The following DEPDC4 variants were observed in gnomAD, a reference collection of about 807,000 sequenced individuals.
DEPDC4 encodes the protein DEP domain-containing protein 4.
Under a neutral mutation model 52.0 loss-of-function variants are expected in DEPDC4, and 52 were observed. That is an observed-to-expected ratio of 1.00 (90% CI 0.80 to 1.26). DEPDC4 has a LOEUF of 1.26. DEPDC4 is among the 50% of genes most tolerant of loss of function. The pLI is 0.00. For missense variants in DEPDC4, 530 were observed against 546.9 expected (o/e 0.97, Z 0.31); for synonymous variants, 201 against 196.8 (o/e 1.02, Z -0.18).
chr12:100,266,709 T>C (rs2153927157), intron 1 of DEPDC4, among the ~76,000 whole-genome samples: 1 of 152,310 alleles, frequency 6.6e-6, no homozygotes, highest in African/African-American at 2.4e-5. Context: ...AAAAACGCTT[T>C]CCTGCACGCT....
intron 3 of DEPDC4, among the ~76,000 whole-genome samples, chr12:100,257,152 C>A (rs531582018): frequency 6.6e-6 from 1 of 151,908 alleles, no homozygotes; most frequent in East Asian, 2.0e-4. Flanking sequence ...AATCTCGGCT[C>A]ACTGCAACTT....
chr12:100,266,761 C>T (rs1037884767), intron 1 of DEPDC4, among the ~76,000 whole-genome samples, 159 bp downstream of exon 1: 1 of 152,240 alleles, frequency 6.6e-6, no homozygotes, highest in South Asian at 2.1e-4. Flanking sequence ...AAGCCTCAGT[C>T]CTGGGTCCCC....
chr12:100,248,389 G>T (rs1748810188), intron 8 of DEPDC4, among the ~76,000 whole-genome samples: 1 of 152,034 alleles, frequency 6.6e-6, no homozygotes, highest in Admixed American at 6.6e-5. Context: ...AGTAAACTTG[G>T]ATTAAAAATA....
At chr12:100,262,452 C>A in intron 2 of DEPDC4, 43 bp from the exon 3 acceptor site, 1 of 1,448,910 alleles carries the variant, frequency 6.9e-7, no homozygotes, top group Non-Finnish European at 9.1e-7. Context: ...ATACACAGAA[C>A]CAAAATTTCA....
chr12:100,232,937 C>T (rs555770704), intron 9 of DEPDC4, among the ~76,000 whole-genome samples: 8 of 152,080 alleles, frequency 5.3e-5, no homozygotes, highest in Non-Finnish European at 1.0e-4. Flanking sequence ...ACAGGCCTGG[C>T]GGGTGAGAGG....
At chr12:100,281,117 C>T in the DEPDC4 span, among the ~76,000 whole-genome samples, 1 of 146,586 alleles carries the variant, frequency 6.8e-6, no homozygotes, top group East Asian at 2.1e-4. Flanking sequence ...CAGCCTCCCT[C>T]TCCCGGGCTC....
chr12:100,268,159 T>A (rs995793848), upstream of DEPDC4, among the ~76,000 whole-genome samples: 3 of 152,236 alleles, frequency 2.0e-5, no homozygotes, highest in Non-Finnish European at 4.4e-5. Flanking sequence ...ATGCCTGTAG[T>A]GACTTCATTG....
upstream of DEPDC4, among the ~76,000 whole-genome samples, chr12:100,270,010 G>T (rs1188727762): frequency 6.7e-6 from 1 of 149,416 alleles, no homozygotes; most frequent in African/African-American, 2.5e-5. Flanking sequence ...TTTGTGAGAC[G>T]GAGTGTCACT....
intron 7 of DEPDC4, among the ~76,000 whole-genome samples, chr12:100,250,917 C>A (rs1481857263): frequency 6.6e-6 from 1 of 151,996 alleles, no homozygotes. Flanking sequence ...TACAAATGAC[C>A]TTTTAAAATA....
intron 7 of DEPDC4, among the ~76,000 whole-genome samples, chr12:100,249,684 A>G (rs1408328612): frequency 6.6e-6 from 1 of 152,152 alleles, no homozygotes; most frequent in Non-Finnish European, 1.5e-5. Flanking sequence ...CTCGCAGGCT[A>G]CCTTTTCATT....
At chr12:100,263,095 A>G (rs1473443176) in intron 2 of DEPDC4, among the ~76,000 whole-genome samples, 1 of 152,132 alleles carries the variant, frequency 6.6e-6, no homozygotes, top group Non-Finnish European at 1.5e-5. Flanking sequence ...TTGAGTAGCT[A>G]GGAATACAGG....
the DEPDC4 span, among the ~76,000 whole-genome samples, chr12:100,273,711 A>G: frequency 6.6e-6 from 1 of 152,222 alleles, no homozygotes; most frequent in East Asian, 1.9e-4. Context: ...ACGTGGTATT[A>G]TAATCCCTTC....
intron 3 of DEPDC4, among the ~76,000 whole-genome samples, chr12:100,256,514 AACT>A (rs1487566093): frequency 9.8e-5 from 15 of 152,300 alleles, no homozygotes; most frequent in African/African-American, 3.6e-4. Flanking sequence ...AAATATAAAA[AACT>A]ACTAGTCATG....
chr12:100,244,414 C>A (rs921943577), intron 8 of DEPDC4, among the ~76,000 whole-genome samples: 1 of 151,510 alleles, frequency 6.6e-6, no homozygotes, highest in African/African-American at 2.4e-5. Flanking sequence ...ATCTCCTGAC[C>A]TTGTGATCCA....
intron 8 of DEPDC4, among the ~76,000 whole-genome samples, chr12:100,247,201 GTTT>G (rs869121983): frequency 2.8e-5 from 2 of 71,642 alleles, no homozygotes; most frequent in East Asian, 3.8e-4. Flanking sequence ...TCCCCTTAGT[GTTT>G]TTTTTTTTTT....
the DEPDC4 span, among the ~76,000 whole-genome samples, chr12:100,281,723 A>G: frequency 6.6e-6 from 1 of 151,408 alleles, no homozygotes; most frequent in African/African-American, 2.4e-5. Flanking sequence ...AGTCCCAGCT[A>G]CTCGGGAGGC....
At chr12:100,235,372 T>C (rs1462637568), downstream of DEPDC4, among the ~76,000 whole-genome samples, 2 of 149,232 alleles carry the variant, frequency 1.3e-5, no homozygotes, top group Non-Finnish European at 3.0e-5. Flanking sequence ...TTTTTTATTC[T>C]CTTTTTAAAA....
downstream of DEPDC4, among the ~76,000 whole-genome samples, chr12:100,238,883 C>T (rs2096147855): frequency 6.6e-6 from 1 of 152,138 alleles, no homozygotes; most frequent in Admixed American, 6.5e-5. Context: ...TCAATAAAGA[C>T]TTTTAGATTC....
intron 3 of DEPDC4, chr12:100,261,664 C>G: frequency 2.2e-6 from 1 of 456,078 alleles, no homozygotes; most frequent in Non-Finnish European, 4.4e-6. Context: ...TATAGCACCT[C>G]CAGTTAATCT....
Sources: gnomAD v4.1 joint callset for allele counts (sites outside exome capture counted in the v4.1 genomes callset) on GRCh38, gnomAD v4.1.1 for gene constraint, MANE v1.5 for transcripts, NCBI Gene and HGNC (gene_info 2026-07-23, HGNC 2026-07-21) for gene names.